Variants in AGBL1 observed in about 807,000 individuals in gnomAD.
AGBL1 encodes cytosolic carboxypeptidase 4.
A neutral mutation model predicts 118.9 loss-of-function variants in AGBL1; 130 were observed. The observed-to-expected ratio is 1.09, with a 90% CI of 0.95 to 1.26. The LOEUF is 1.26. Ranked by LOEUF, AGBL1 falls within the 50% of genes most tolerant of loss-of-function variation. The pLI is 0.00. For missense variants in AGBL1, 1,584 were observed against 1,298.1 expected, an observed-to-expected ratio of 1.22 and a Z score of -3.38; for synonymous variants, 555 against 478.9, an observed-to-expected ratio of 1.16 and a Z score of -2.08.
chr15:86,956,198 T>C (rs188388268), intron 23 of AGBL1, among the ~76,000 whole-genome samples: 234 of 147,042 alleles, frequency 1.6e-3, no homozygotes, highest in African/African-American at 5.5e-3. Context: ...TAGATATAGA[T>C]AGGTAGATAG....
intron 22 of AGBL1, among the ~76,000 whole-genome samples, chr15:86,803,832 G>A (rs925888194): frequency 5.3e-5 from 8 of 152,252 alleles, no homozygotes; most frequent in African/African-American, 1.7e-4. Context: ...GGGCAGGGGT[G>A]GAGGATGCTT....
At chr15:86,090,754 G>C (rs148054746) in intron 1 of AGBL1, among the ~76,000 whole-genome samples, 1 of 152,134 alleles carries the variant, frequency 6.6e-6, no homozygotes, top group East Asian at 1.9e-4. Context: ...TATTTTTGCT[G>C]CAAAGCTTTT....
At chr15:86,729,689 G>A (rs2077502590) in intron 22 of AGBL1, among the ~76,000 whole-genome samples, 1 of 152,174 alleles carries the variant, frequency 6.6e-6, no homozygotes, top group Admixed American at 6.5e-5. Context: ...TGAGCATCTA[G>A]GTTGACTCCA....
chr15:86,707,704 C>T (rs2086477826), intron 22 of AGBL1, among the ~76,000 whole-genome samples: 1 of 152,076 alleles, frequency 6.6e-6, no homozygotes, highest in Non-Finnish European at 1.5e-5. Flanking sequence ...AATATTGAAG[C>T]AACATTGCAT....
intron 18 of AGBL1, among the ~76,000 whole-genome samples, chr15:86,433,266 C>CTTCTTTTTTT (rs2081959812): frequency 1.3e-5 from 1 of 74,886 alleles, no homozygotes; most frequent in Non-Finnish European, 2.5e-5. Context: ...CCTCCTTCTT[C>CTTCTTTTTTT]TTTTTTTTTT....
intron 22 of AGBL1, among the ~76,000 whole-genome samples, chr15:86,747,379 T>G (rs2077772695): frequency 6.6e-6 from 1 of 152,010 alleles, no homozygotes; most frequent in South Asian, 2.1e-4. Flanking sequence ...CAGATAAAAA[T>G]TGAAATAAAT....
chr15:86,117,820 C>G (rs1897856332), intron 1 of AGBL1, among the ~76,000 whole-genome samples: 1 of 152,168 alleles, frequency 6.6e-6, no homozygotes, highest in Non-Finnish European at 1.5e-5. Flanking sequence ...ATGGTTTTAA[C>G]AAATTCACAT....
At position 86,614,827 on chromosome 15, in the gene AGBL1, G is replaced by A. The variant is rs565550902; in HGVS notation, c.2995-59446G>A. 1.5e-4 allele frequency among the ~76,000 whole-genome samples: 23 copies of A among 152,312 alleles called. No homozygotes were observed. In the South Asian group the frequency reaches 2.9e-3, roughly 19 times the overall value. On this transcript the variant is annotated intron_variant, in intron 21 of 22. Transcript: ENST00000614907. Reference sequence around the variant, plus strand: ...CAGATTGTCATATAATCTACTGATCGTAAGAAGAAAGTGTTGTGTAGACAA... The same window carrying A: ...CAGATTGTCATATAATCTACTGATCATAAGAAGAAAGTGTTGTGTAGACAA...
At chr15:87,029,395 G>A (rs117766827), downstream of AGBL1, among the ~76,000 whole-genome samples, 97 of 151,958 alleles carry the variant, frequency 6.4e-4, no homozygotes, top group Non-Finnish European at 1.3e-3. Context: ...TAACCACCAA[G>A]CATAATGTCC....
At chr15:87,002,570 G>A (rs1481093757) in intron 24 of AGBL1, among the ~76,000 whole-genome samples, 2 of 152,142 alleles carry the variant, frequency 1.3e-5, no homozygotes, top group Non-Finnish European at 2.9e-5. Context: ...ACCTTGGGCA[G>A]TATGGCCATT....
Position 86,554,447 on chromosome 15 carries a change from G to A in AGBL1, c.2904G>A (p.Thr968=), listed in dbSNP as rs372153251. The change falls in exon 21 of 23, where the codon ACG becomes ACA. Residue 968 remains threonine (T), a synonymous_variant. Transcript: ENST00000614907. ...SFLVEKSRAS[T]ARVVVWREMG... ...TCGTGGAGAAATCTCGAGCTTCCAC[G>A]GCCCGGGTGGTGGTGTGGAGAGAGA... 39 of 1,587,654 alleles carry A rather than the reference G, an allele frequency of 2.5e-5. No homozygotes were observed. Among genetic ancestry groups the A allele is most frequent in the Admixed American group, 7.2e-5 (4 of 55,766 alleles).
intron 22 of AGBL1, among the ~76,000 whole-genome samples, chr15:86,690,019 A>G (rs2086135114): frequency 6.6e-6 from 1 of 152,130 alleles, no homozygotes; most frequent in African/African-American, 2.4e-5. Flanking sequence ...TTAGATAGGG[A>G]ATGGTTTCTG....
intron 22 of AGBL1, among the ~76,000 whole-genome samples, chr15:86,779,955 C>T (rs985769667): frequency 6.6e-6 from 1 of 151,764 alleles, no homozygotes; most frequent in African/African-American, 2.4e-5. Flanking sequence ...CTACACTTTT[C>T]ACTCCCTTGT....
At chr15:86,386,836 C>A (rs142917042) in intron 17 of AGBL1, among the ~76,000 whole-genome samples, 2 of 152,098 alleles carry the variant, frequency 1.3e-5, no homozygotes, top group Admixed American at 6.6e-5. Flanking sequence ...ACCACAGTCC[C>A]TATTATAGTG....
At chr15:86,386,778 C>T (rs976508241) in intron 17 of AGBL1, among the ~76,000 whole-genome samples, 1 of 152,122 alleles carries the variant, frequency 6.6e-6, no homozygotes, top group African/African-American at 2.4e-5. Context: ...GTTATTGTCT[C>T]CCTTCTCCAC....
chr15:86,360,694 TG>T (rs1421739801), intron 17 of AGBL1, among the ~76,000 whole-genome samples: 1 of 152,038 alleles, frequency 6.6e-6, no homozygotes, highest in Non-Finnish European at 1.5e-5. Context: ...GTGAGGTTTT[TG>T]GTTACTGATT....
intron 19 of AGBL1, among the ~76,000 whole-genome samples, chr15:86,534,379 G>C (rs556228145): frequency 1.3e-5 from 2 of 152,286 alleles, no homozygotes; most frequent in South Asian, 2.1e-4. Context: ...TTCTAGTAAG[G>C]CTGAGAAATA....
intron 18 of AGBL1, among the ~76,000 whole-genome samples, chr15:86,486,018 T>C (rs779415170): frequency 4.6e-5 from 7 of 152,068 alleles, no homozygotes; most frequent in South Asian, 4.1e-4. Flanking sequence ...TGTATCTGGG[T>C]TGACACTTAG....
At chr15:86,182,539 G>C (rs924566890) in intron 5 of AGBL1, among the ~76,000 whole-genome samples, 3 of 151,952 alleles carry the variant, frequency 2.0e-5, no homozygotes, top group Non-Finnish European at 4.4e-5. Flanking sequence ...GAATATTCTC[G>C]AGAATGCAAA....
Sources: allele counts gnomAD v4.1 joint callset (sites outside exome capture counted in the v4.1 genomes callset), GRCh38; gene constraint gnomAD v4.1.1; transcripts MANE v1.5; gene names NCBI Gene and HGNC (gene_info 2026-07-23, HGNC 2026-07-21).